MALRD1: variants seen among roughly 807,000 people sequenced by gnomAD.
MALRD1 encodes MAM and LDL receptor class A domain containing 1.
In MALRD1, 247 loss-of-function variants were observed where a neutral mutation model predicts 242.1. The observed-to-expected ratio is 1.02, with a 90% confidence interval of 0.92 to 1.13. MALRD1 has a LOEUF of 1.13. MALRD1 is among the 50% of genes most tolerant of loss of function. The pLI is 0.00. For synonymous variants in MALRD1, 995 were observed against 866.6 expected (o/e 1.15, Z -2.60); for missense variants, 2,989 against 2,533.1 (o/e 1.18, Z -3.86).
intron 29 of MALRD1, among the ~76,000 whole-genome samples, chr10:19,472,318 G>A (rs1435851392): frequency 2.0e-5 from 3 of 151,928 alleles, no homozygotes; most frequent in Non-Finnish European, 4.4e-5. Flanking sequence ...CTTTGCTGAG[G>A]ATTTTGCATG....
intron 1 of MALRD1, among the ~76,000 whole-genome samples, chr10:19,053,491 C>A (rs1834569560): frequency 6.6e-6 from 1 of 152,112 alleles, no homozygotes; most frequent in South Asian, 2.1e-4. Context: ...GCGGGCTTGA[C>A]CTCCTGGCAA....
intron 23 of MALRD1, among the ~76,000 whole-genome samples, 160 bp downstream of exon 23, chr10:19,327,833 A>T (rs754868967): frequency 1.3e-5 from 2 of 152,078 alleles, no homozygotes; most frequent in Non-Finnish European, 2.9e-5. Context: ...AGCATTTTAC[A>T]TAAGGGATTG....
At chr10:19,070,009 C>T (rs1472995819) in intron 2 of MALRD1, among the ~76,000 whole-genome samples, 3 of 152,126 alleles carry the variant, frequency 2.0e-5, no homozygotes, top group East Asian at 1.9e-4. Context: ...GTAAGTCTAA[C>T]ATGCTGTTAG....
chr10:19,439,636 C>A (rs1834521984), intron 28 of MALRD1, among the ~76,000 whole-genome samples: 1 of 152,030 alleles, frequency 6.6e-6, no homozygotes, highest in Admixed American at 6.6e-5. Flanking sequence ...AGTACATTAG[C>A]TATACAACTA....
intron 13 of MALRD1, among the ~76,000 whole-genome samples, chr10:19,167,147 C>G (rs1450780529): frequency 6.6e-6 from 1 of 152,082 alleles, no homozygotes; most frequent in African/African-American, 2.4e-5. Context: ...ATCACGAGAT[C>G]AGGAGATCGA....
At chr10:19,138,440 G>GTTTTA (rs1462452348) in intron 10 of MALRD1, among the ~76,000 whole-genome samples, 11 of 141,636 alleles carry the variant, frequency 7.8e-5, no homozygotes, top group African/African-American at 1.8e-4. Flanking sequence ...TTTTTTTTGG[G>GTTTTA]GACAGAGTCT....
At chr10:19,673,335 C>T (rs557674814) in intron 36 of MALRD1, among the ~76,000 whole-genome samples, 6 of 152,100 alleles carry the variant, frequency 3.9e-5, no homozygotes, top group Non-Finnish European at 8.8e-5. Context: ...TGCAGTGAGC[C>T]GAGATCGCGC....
chr10:19,080,981 A>G (rs567417880), intron 2 of MALRD1, among the ~76,000 whole-genome samples: 37 of 152,106 alleles, frequency 2.4e-4, no homozygotes, highest in Non-Finnish European at 4.4e-4. Context: ...TCTCAAAGAA[A>G]ACATTCGTGT....
At chr10:19,291,918 C>T (rs1200468716) in intron 21 of MALRD1, among the ~76,000 whole-genome samples, 2 of 151,632 alleles carry the variant, frequency 1.3e-5, no homozygotes, top group South Asian at 4.2e-4. Context: ...AACCCCATCT[C>T]TATTAAAAAT....
intron 29 of MALRD1, chr10:19,488,644 C>G (rs995466679): frequency 6.3e-6 from 1 of 158,830 alleles, no homozygotes; most frequent in African/African-American, 2.4e-5. Context: ...TTTGTGAAAC[C>G]TTCAGTCATA....
intron 29 of MALRD1, among the ~76,000 whole-genome samples, chr10:19,485,201 A>G (rs1837184139): frequency 6.6e-6 from 1 of 152,186 alleles, no homozygotes. Flanking sequence ...GAGTAGTTCG[A>G]GGGATGAAAA....
intron 4 of MALRD1, among the ~76,000 whole-genome samples, chr10:19,101,096 C>A (rs1260112711): frequency 6.6e-6 from 1 of 151,516 alleles, no homozygotes; most frequent in Non-Finnish European, 1.5e-5. Context: ...ATGTTCGCAA[C>A]TCATTTTTCC....
intron 32 of MALRD1, among the ~76,000 whole-genome samples, chr10:19,546,466 T>C (rs1282742418): frequency 6.6e-6 from 1 of 152,196 alleles, no homozygotes; most frequent in Non-Finnish European, 1.5e-5. Flanking sequence ...CAATATTTAC[T>C]CATCTTGTCT....
At chr10:19,210,174 T>G (rs529926507) in intron 18 of MALRD1, among the ~76,000 whole-genome samples, 2 of 152,332 alleles carry the variant, frequency 1.3e-5, no homozygotes, top group East Asian at 3.9e-4. Flanking sequence ...ATTCTTTACT[T>G]CAGATTTCAC....
chr10:19,193,452 G>A (rs987772659), intron 14 of MALRD1, among the ~76,000 whole-genome samples: 3 of 152,098 alleles, frequency 2.0e-5, no homozygotes, highest in Non-Finnish European at 4.4e-5. Flanking sequence ...GCTACTCAGA[G>A]GCTGAGATGA....
chr10:19,103,085 G>A (rs2131333779), intron 4 of MALRD1, among the ~76,000 whole-genome samples: 1 of 151,968 alleles, frequency 6.6e-6, no homozygotes, highest in East Asian at 2.0e-4. Context: ...CTGACCTCAA[G>A]TGATTCACCT....
chr10:19,595,846 T>C (rs1352713073), intron 34 of MALRD1, among the ~76,000 whole-genome samples: 1 of 152,208 alleles, frequency 6.6e-6, no homozygotes, highest in African/African-American at 2.4e-5. Context: ...GATAGAGATT[T>C]CCTTTTTGAT....
chr10:19,699,484 G>T (rs1833524593), intron 38 of MALRD1, among the ~76,000 whole-genome samples: 1 of 152,142 alleles, frequency 6.6e-6, no homozygotes, highest in Admixed American at 6.5e-5. Context: ...GTGAGGTGAT[G>T]CCCTTCCTGG....
chr10:19,352,335 A>C, intron 26 of MALRD1, 38 bp downstream of exon 26: 1 of 1,514,744 alleles, frequency 6.6e-7, no homozygotes, highest in Non-Finnish European at 8.9e-7. Context: ...GTATTTTTGC[A>C]TGGTGAAAGG....
Sources: allele counts gnomAD v4.1 joint callset (sites outside exome capture counted in the v4.1 genomes callset), GRCh38; gene constraint gnomAD v4.1.1; transcripts MANE v1.5; gene names NCBI Gene and HGNC (gene_info 2026-07-23, HGNC 2026-07-21).